SYNJ1: variants seen among roughly 807,000 people sequenced by gnomAD.
SYNJ1 encodes synaptojanin 1.
Under a neutral mutation model 168.2 loss-of-function variants are expected in SYNJ1, and 78 were observed. The ratio of observed to expected loss-of-function variants is 0.46; its 90% confidence interval spans 0.39 to 0.56. The LOEUF (loss-of-function observed/expected upper bound fraction) is 0.56. Among genes scored for constraint, SYNJ1 ranks in the 20% least tolerant of loss-of-function variants. SYNJ1 has a pLI of 0.00. For missense variants in SYNJ1, 1,303 were observed against 1,597.6 expected (o/e 0.82, Z 3.14); for synonymous variants, 539 against 548.6 (o/e 0.98, Z 0.24).
At chr21:32,655,823 A>G (rs2040432729) in intron 21 of SYNJ1, among the ~76,000 whole-genome samples, 2 of 152,388 alleles carry the variant, frequency 1.3e-5, no homozygotes, top group Non-Finnish European at 1.5e-5. Context: ...TAGTTGGAAG[A>G]GAACATTTTT....
chr21:32,662,299 T>C lies in SYNJ1; in HGVS notation c.2304+2614A>G, dbSNP rs571729783. ...TTGTATAGTAAAAACTTCCACTGATTTTCCCTGCATAGAAGACTGCTCTCA... is the reference window on the plus strand; with the variant it reads ...TTGTATAGTAAAAACTTCCACTGATCTTCCCTGCATAGAAGACTGCTCTCA... On this transcript the variant is annotated intron_variant, in intron 18 of 32. Transcript: ENST00000674351. Among the ~76,000 whole-genome samples, 15 of 152,308 alleles carry C rather than the reference T, an allele frequency of 9.8e-5. No homozygotes were observed. In the East Asian group the frequency reaches 2.9e-3, roughly 29 times the overall value.
chr21:32,695,319 T>A, intron 4 of SYNJ1, 37 bp from the exon 5 acceptor site: 1 of 1,572,900 alleles, frequency 6.4e-7, no homozygotes, highest in Non-Finnish European at 8.7e-7. Flanking sequence ...GCTTATGGAA[T>A]ACTAAGTAAC....
chr21:32,692,042 G>A (rs1418731106), intron 6 of SYNJ1, among the ~76,000 whole-genome samples: 5 of 152,124 alleles, frequency 3.3e-5, no homozygotes, highest in Non-Finnish European at 5.9e-5. Context: ...TAGGAAGCAG[G>A]GCCTAGAGGG....
chr21:32,683,207 G>A (rs1038696353), intron 10 of SYNJ1, among the ~76,000 whole-genome samples: 9 of 151,842 alleles, frequency 5.9e-5, no homozygotes, highest in Admixed American at 3.3e-4. Context: ...GGAACTAAAC[G>A]AAGTTTAGCC....
At position 32,691,070 on chromosome 21, in the gene SYNJ1, C is replaced by T. The variant is rs184514237; in HGVS notation, c.790-2703G>A. Among the ~76,000 whole-genome samples the T allele has an allele frequency of 2.0e-5, 3 of 152,320 alleles. No individual in the cohort carries two copies. The East Asian group carries it at 5.8e-4, about 29-fold the overall frequency. ...TTGGGGGTAGACCTTACAATGTTTACCATTTTTTGACTGATTGATACGGTT... is the reference window on the plus strand; with the variant it reads ...TTGGGGGTAGACCTTACAATGTTTATCATTTTTTGACTGATTGATACGGTT... On this transcript the variant is annotated intron_variant, in intron 6 of 32. Coordinates refer to ENST00000674351, the MANE Select transcript of SYNJ1 (RefSeq NM_203446.3).
chr21:32,665,204 G>A, intron 17 of SYNJ1, 133 bp from the exon 18 acceptor site: 1 of 901,186 alleles, frequency 1.1e-6, no homozygotes, highest in Non-Finnish European at 1.6e-6. Context: ...AATAACACAT[G>A]TGAAACGAAA....
chr21:32,678,187 ATGCT>A (rs2041486410), intron 12 of SYNJ1, among the ~76,000 whole-genome samples: 2 of 152,212 alleles, frequency 1.3e-5, no homozygotes, highest in Non-Finnish European at 2.9e-5. Context: ...ATATGATTTA[ATGCT>A]TATTCAAACA....
At chr21:32,689,984 T>C (rs1272176955) in intron 6 of SYNJ1, among the ~76,000 whole-genome samples, 1 of 152,248 alleles carries the variant, frequency 6.6e-6, no homozygotes, top group Non-Finnish European at 1.5e-5. Flanking sequence ...CCCAGATTAA[T>C]TGCCTATCAC....
chr21:32,668,719 G>T (rs980533250), intron 15 of SYNJ1, among the ~76,000 whole-genome samples: 1 of 152,194 alleles, frequency 6.6e-6, no homozygotes, highest in Non-Finnish European at 1.5e-5. Context: ...AAACACTGAA[G>T]TTTTAAGCCT....
At chr21:32,651,719 A>C (rs2040275953) in intron 22 of SYNJ1, among the ~76,000 whole-genome samples, 1 of 152,228 alleles carries the variant, frequency 6.6e-6, no homozygotes, top group South Asian at 2.1e-4. Flanking sequence ...TTAGAAGACC[A>C]AAAAAATATT....
At chr21:32,723,876 G>A (rs2043344635) in intron 2 of SYNJ1, among the ~76,000 whole-genome samples, 1 of 152,162 alleles carries the variant, frequency 6.6e-6, no homozygotes, top group Non-Finnish European at 1.5e-5. Context: ...TACAGAGTAA[G>A]TTCTAGAGAA....
chr21:32,727,917 A>AGCTCCCC (rs1231720515), intron 1 of SYNJ1, 29 bp downstream of exon 1: 4 of 1,531,528 alleles, frequency 2.6e-6, no homozygotes, highest in East Asian at 2.5e-5. Context: ...TGGCCGCAGC[A>AGCTCCCC]GCTCCCCGCC....
intron 2 of SYNJ1, among the ~76,000 whole-genome samples, chr21:32,721,098 T>C (rs2043203823): frequency 6.6e-6 from 1 of 152,234 alleles, no homozygotes; most frequent in Non-Finnish European, 1.5e-5. Context: ...AATATGTACC[T>C]GTTTATAACT....
intron 18 of SYNJ1, among the ~76,000 whole-genome samples, chr21:32,658,916 T>C (rs1199003569): frequency 3.3e-5 from 5 of 152,216 alleles, no homozygotes; most frequent in African/African-American, 1.2e-4. Context: ...ATAAGGGAAT[T>C]CTGCCTGATC....
intron 10 of SYNJ1, among the ~76,000 whole-genome samples, chr21:32,682,480 T>TTA (rs1386158531): frequency 1.3e-5 from 2 of 152,156 alleles, no homozygotes; most frequent in African/African-American, 4.8e-5. Flanking sequence ...TAAAATAAGA[T>TTA]TAAAAAAACC....
intron 32 of SYNJ1, among the ~76,000 whole-genome samples, chr21:32,633,293 C>T (rs977343418): frequency 6.6e-6 from 1 of 152,110 alleles, no homozygotes; most frequent in Non-Finnish European, 1.5e-5. Context: ...TCACTCCTGC[C>T]CTAAATCCCT....
intron 11 of SYNJ1, among the ~76,000 whole-genome samples, chr21:32,680,350 G>A (rs1371690162): frequency 6.6e-6 from 1 of 152,138 alleles, no homozygotes; most frequent in East Asian, 1.9e-4. Context: ...GAAGCTGAAT[G>A]AGAACTATAA....
rs149080514 is a variant in SYNJ1 at position 32,648,980 on chromosome 21, T to G, written c.3037+1204A>C. On this transcript the variant is annotated intron_variant, in intron 23 of 32. Coordinates refer to ENST00000674351, the MANE Select transcript of SYNJ1 (RefSeq NM_203446.3). ...TTAGACTGTGCACATGCTTTCTTCT[T>G]GGATCACTCCTCTATAGCATTAATT... Among the ~76,000 whole-genome samples the G allele has an allele frequency of 1.2e-3, 177 of 152,356 alleles. 1 individual carries two copies. In the Middle Eastern group the frequency reaches 0.031, roughly 26 times the overall value.
rs1204626876 is a variant in SYNJ1, at chr21:32,629,749, T to A, written c.*2056A>T. Reference sequence around the variant, plus strand: ...TTTCTGATTGGTTTACTTAATGATATCAAAATACTACATTCTGTAAAAATT... The same window carrying A: ...TTTCTGATTGGTTTACTTAATGATAACAAAATACTACATTCTGTAAAAATT... On this transcript the variant is annotated 3_prime_UTR_variant, in exon 33 of 33. Transcript: ENST00000674351. 2.0e-5 allele frequency: 3 copies of A among 152,430 alleles called. No homozygotes were observed. The East Asian group carries it at 5.8e-4, about 29-fold the overall frequency. 9.4% of individuals were successfully genotyped at this position (152,430 alleles called of 1,614,324 possible). A position where few individuals can be genotyped will look rare whatever the true frequency, so the allele number is the denominator to read the frequency against.
Sources: allele counts gnomAD v4.1 joint callset (sites outside exome capture counted in the v4.1 genomes callset), GRCh38; gene constraint gnomAD v4.1.1; transcripts MANE v1.5; gene names NCBI Gene and HGNC (gene_info 2026-07-23, HGNC 2026-07-21).